PDE3B: variants seen among roughly 807,000 people sequenced by gnomAD.
The protein encoded by PDE3B is cGMP-inhibited 3',5'-cyclic phosphodiesterase 3B.
Under a neutral mutation model 116.8 loss-of-function variants are expected in PDE3B, and 66 were observed. The observed-to-expected ratio is 0.56, with a 90% confidence interval of 0.46 to 0.69. The LOEUF is 0.69. Among genes scored for constraint, PDE3B ranks in the 30% least tolerant of loss-of-function variants. The pLI is 0.00. For synonymous variants in PDE3B, 595 were observed against 533.6 expected (o/e 1.12, Z -1.59); for missense variants, 1,384 against 1,368.1 (o/e 1.01, Z -0.18).
At chr11:14,703,073 G>A (rs1019385026) in intron 1 of PDE3B, among the ~76,000 whole-genome samples, 3 of 151,852 alleles carry the variant, frequency 2.0e-5, no homozygotes. Context: ...GTAGTCACTT[G>A]ACTGAATGTG....
the PDE3B span, among the ~76,000 whole-genome samples, chr11:14,895,536 A>G: frequency 6.6e-6 from 1 of 152,144 alleles, no homozygotes; most frequent in East Asian, 1.9e-4. Context: ...AGGGTACCCA[A>G]ATGAAGACTT....
intron 1 of PDE3B, among the ~76,000 whole-genome samples, chr11:14,703,472 A>C (rs1378379481): frequency 6.6e-6 from 1 of 151,324 alleles, no homozygotes; most frequent in East Asian, 1.9e-4. Context: ...ACTTGTCACC[A>C]CTCAGTGATA....
Position 14,861,189 on chromosome 11 carries a change from T to C in PDE3B, c.2725-16T>C. The C allele has an allele frequency of 6.3e-7, 1 of 1,595,994 alleles. No homozygotes were observed. The highest frequency in any genetic ancestry group is 1.1e-5 in the South Asian group (1 of 89,148). ...ATGCCTTCAGAACCTAAAATGATGT[T>C]GTTTTTCCAAAATAGGCAAATGATG... is the stretch of plus-strand genomic sequence containing the variant. On this transcript the variant is annotated splice_polypyrimidine_tract_variant and intron_variant, in intron 13 of 15. Coordinates refer to ENST00000282096, the MANE Select transcript of PDE3B (RefSeq NM_000922.4).
intron 5 of PDE3B, among the ~76,000 whole-genome samples, chr11:14,814,977 G>GA (rs1158354037): frequency 0.013 from 1,600 of 120,126 alleles, 48 homozygotes; most frequent in East Asian, 0.029. Flanking sequence ...CTCAAAAAAA[G>GA]AAAAAAAAAA....
intron 1 of PDE3B, among the ~76,000 whole-genome samples, chr11:14,743,981 C>A (rs188793800): frequency 1.5e-3 from 221 of 152,312 alleles, no homozygotes; most frequent in African/African-American, 4.9e-3. Context: ...TCTCTGGGAG[C>A]TGCAGACCAG....
intron 1 of PDE3B, among the ~76,000 whole-genome samples, chr11:14,739,607 G>A (rs139632425): frequency 2.6e-5 from 4 of 152,050 alleles, no homozygotes; most frequent in South Asian, 2.1e-4. Context: ...TTTCTCTTGC[G>A]TGATTGCCCT....
At chr11:14,722,284 C>T (rs1304209703) in intron 1 of PDE3B, among the ~76,000 whole-genome samples, 1 of 151,004 alleles carries the variant, frequency 6.6e-6, no homozygotes, top group Non-Finnish European at 1.5e-5. Flanking sequence ...ACGTTGTGCA[C>T]ATGTACCTTA....
At chr11:14,882,442 C>A in the PDE3B span, among the ~76,000 whole-genome samples, 1 of 152,036 alleles carries the variant, frequency 6.6e-6, no homozygotes, top group African/African-American at 2.4e-5. Context: ...CAAGATGAAA[C>A]CAGCCCTAGA....
chr11:14,860,934 CACAT>C (rs1329230207), intron 13 of PDE3B, among the ~76,000 whole-genome samples: 29 of 151,942 alleles, frequency 1.9e-4, no homozygotes, highest in African/African-American at 7.0e-4. Context: ...CACACACACA[CACAT>C]ATAATTCATG....
intron 2 of PDE3B, chr11:14,774,698 T>A (rs1244679272): frequency 6.6e-6 from 1 of 152,244 alleles, no homozygotes; most frequent in Non-Finnish European, 1.5e-5. Context: ...GTTCAGCTTT[T>A]AAAATTGTGG....
the PDE3B span, among the ~76,000 whole-genome samples, chr11:14,885,107 G>T: frequency 1.3e-5 from 2 of 152,064 alleles, no homozygotes; most frequent in Non-Finnish European, 2.9e-5. Flanking sequence ...ATTTTTATTT[G>T]AAATTAAATG....
At chr11:14,668,213 G>A (rs1460146482) in intron 1 of PDE3B, among the ~76,000 whole-genome samples, 1 of 152,024 alleles carries the variant, frequency 6.6e-6, no homozygotes, top group African/African-American at 2.4e-5. Flanking sequence ...TTGTAACAGA[G>A]TCCTACTTAA....
intron 1 of PDE3B, among the ~76,000 whole-genome samples, chr11:14,662,824 G>A (rs1407337286): frequency 3.9e-5 from 6 of 152,164 alleles, no homozygotes; most frequent in East Asian, 3.9e-4. Context: ...GACCAAATCT[G>A]CGTCTGATTG....
intron 1 of PDE3B, among the ~76,000 whole-genome samples, chr11:14,657,933 C>A: frequency 6.6e-6 from 1 of 152,124 alleles, no homozygotes; most frequent in East Asian, 1.9e-4. Flanking sequence ...GAAGGCATGG[C>A]TTGTATCAGT....
At chr11:14,761,263 G>T (rs1857353142) in intron 1 of PDE3B, among the ~76,000 whole-genome samples, 2 of 152,024 alleles carry the variant, frequency 1.3e-5, no homozygotes, top group Non-Finnish European at 1.5e-5. Flanking sequence ...AATTATAAAT[G>T]GTAATTTTTT....
At chr11:14,663,206 C>G (rs546043015) in intron 1 of PDE3B, among the ~76,000 whole-genome samples, 13 of 152,202 alleles carry the variant, frequency 8.5e-5, no homozygotes, top group South Asian at 2.1e-4. Context: ...TCCATCCAAA[C>G]TAAGCTTCAT....
At chr11:14,826,624 A>C (rs531545715) in intron 7 of PDE3B, among the ~76,000 whole-genome samples, 74 of 152,172 alleles carry the variant, frequency 4.9e-4, no homozygotes, top group Non-Finnish European at 9.3e-4. Context: ...ATCTGTAATA[A>C]ATAGCCCACC....
At chr11:14,685,162 G>A (rs964990828) in intron 1 of PDE3B, among the ~76,000 whole-genome samples, 18 of 151,896 alleles carry the variant, frequency 1.2e-4, no homozygotes, top group South Asian at 4.2e-4. Context: ...AAAGACAGGC[G>A]TAAGAAATTA....
At chr11:14,784,545 G>T (rs1858134632) in intron 2 of PDE3B, among the ~76,000 whole-genome samples, 2 of 152,072 alleles carry the variant, frequency 1.3e-5, no homozygotes, top group Non-Finnish European at 2.9e-5. Context: ...AATACACTCA[G>T]AAACTCTATA....
Sources: allele counts gnomAD v4.1 joint callset (sites outside exome capture counted in the v4.1 genomes callset), GRCh38; gene constraint gnomAD v4.1.1; transcripts MANE v1.5; gene names NCBI Gene and HGNC (gene_info 2026-07-23, HGNC 2026-07-21).